Variants in ZDHHC17 observed in about 807,000 individuals in gnomAD.
ZDHHC17 encodes zDHHC palmitoyltransferase 17.
Under a neutral mutation model 90.3 loss-of-function variants are expected in ZDHHC17, and 40 were observed. The ratio of observed to expected loss-of-function variants is 0.44; its 90% CI spans 0.34 to 0.58. The LOEUF (loss-of-function observed/expected upper bound fraction) is 0.58. Among genes scored for constraint, ZDHHC17 ranks in the 20% least tolerant of loss-of-function variants. ZDHHC17 has a pLI of 0.01. For missense variants in ZDHHC17, 614 were observed against 780.8 expected (o/e 0.79, Z 2.55); for synonymous variants, 235 against 252.4 (o/e 0.93, Z 0.65).
At chr12:76,805,491 A>G in intron 3 of ZDHHC17, 52 bp downstream of exon 3, 2 of 1,341,640 alleles carry the variant, frequency 1.5e-6, no homozygotes, top group Non-Finnish European at 2.0e-6. Flanking sequence ...TTATGGTTAT[A>G]AAATTAATAG....
intron 1 of ZDHHC17, among the ~76,000 whole-genome samples, chr12:76,787,588 A>G (rs947753460): frequency 1.3e-5 from 2 of 151,524 alleles, no homozygotes; most frequent in Non-Finnish European, 2.9e-5. Flanking sequence ...GCCATCGGCC[A>G]TAGAGTGAAA....
At chr12:76,795,791 C>G (rs1204389985) in intron 1 of ZDHHC17, among the ~76,000 whole-genome samples, 1 of 152,090 alleles carries the variant, frequency 6.6e-6, no homozygotes, top group Non-Finnish European at 1.5e-5. Context: ...TCAAGCTACT[C>G]TATTTTAATG....
chr12:76,810,885 A>C (rs528640478), intron 5 of ZDHHC17, among the ~76,000 whole-genome samples: 2 of 152,072 alleles, frequency 1.3e-5, no homozygotes, highest in Non-Finnish European at 2.9e-5. Context: ...ATTGGCTCAC[A>C]TATCTTGTGA....
At chr12:76,825,837 T>C (rs922651381) in intron 8 of ZDHHC17, among the ~76,000 whole-genome samples, 1 of 152,150 alleles carries the variant, frequency 6.6e-6, no homozygotes, top group Non-Finnish European at 1.5e-5. Context: ...TTTTCTTTTT[T>C]CTTTTGGTGT....
chr12:76,810,238 A>G (rs1953003469), intron 5 of ZDHHC17, among the ~76,000 whole-genome samples: 1 of 152,124 alleles, frequency 6.6e-6, no homozygotes, highest in Non-Finnish European at 1.5e-5. Context: ...AGAGGGATAC[A>G]TTTTTTAAGA....
At chr12:76,780,928 T>C (rs576556257) in intron 1 of ZDHHC17, among the ~76,000 whole-genome samples, 32 of 151,366 alleles carry the variant, frequency 2.1e-4, no homozygotes, top group Admixed American at 4.6e-4. Flanking sequence ...GAGACCATCC[T>C]CATCCTGGCT....
chr12:76,850,722 T>G, intron 16 of ZDHHC17, 125 bp from the exon 17 acceptor site: 2 of 1,186,740 alleles, frequency 1.7e-6, no homozygotes, highest in Non-Finnish European at 2.4e-6. Flanking sequence ...ATTGGTTCCT[T>G]CTTGCAAGTA....
intron 14 of ZDHHC17, 102 bp from the exon 15 acceptor site, chr12:76,848,131 A>G: frequency 8.2e-7 from 1 of 1,214,052 alleles, no homozygotes; most frequent in South Asian, 1.5e-5. Context: ...AGTTAAATCT[A>G]GACTGTTTGA....
At chr12:76,809,926 G>T in intron 5 of ZDHHC17, 69 bp downstream of exon 5, 1 of 1,513,690 alleles carries the variant, frequency 6.6e-7, no homozygotes, top group Non-Finnish European at 9.0e-7. Flanking sequence ...TAATATTATT[G>T]GTGTTGTAAC....
At chr12:76,778,524 G>A (rs1952587158) in intron 1 of ZDHHC17, among the ~76,000 whole-genome samples, 1 of 152,116 alleles carries the variant, frequency 6.6e-6, no homozygotes, top group Non-Finnish European at 1.5e-5. Flanking sequence ...TGCCCTGCCG[G>A]GAAGTTTTAA....
intron 1 of ZDHHC17, among the ~76,000 whole-genome samples, chr12:76,771,932 G>A (rs1952497234): frequency 6.6e-6 from 1 of 152,128 alleles, no homozygotes; most frequent in African/African-American, 2.4e-5. Context: ...CCTGAGCTGA[G>A]AATGCCACCA....
rs1479769204 is a variant in ZDHHC17 at position 76,770,989 on chromosome 12, C to T, written c.93+6660C>T. ...CAGAACCCACAACAATTACATAATCCGAAAAGATGTTTCACTATTAAGGTT... is the reference window on the plus strand; with the variant it reads ...CAGAACCCACAACAATTACATAATCTGAAAAGATGTTTCACTATTAAGGTT... On this transcript the variant is annotated intron_variant, in intron 1 of 16. Coordinates refer to ENST00000426126, the MANE Select transcript of ZDHHC17 (RefSeq NM_015336.4). Among the ~76,000 whole-genome samples the T allele has an allele frequency of 2.6e-5, 4 of 151,030 alleles. No homozygotes were observed. The East Asian group carries it at 5.8e-4, about 22-fold the overall frequency.
At chr12:76,782,172 A>T (rs934442251) in intron 1 of ZDHHC17, among the ~76,000 whole-genome samples, 10 of 152,230 alleles carry the variant, frequency 6.6e-5, no homozygotes, top group African/African-American at 2.2e-4. Flanking sequence ...TATAGTCTTT[A>T]CATTATCTTC....
intron 4 of ZDHHC17, 121 bp downstream of exon 4, chr12:76,809,241 A>G: frequency 3.5e-6 from 2 of 573,508 alleles, no homozygotes; most frequent in Non-Finnish European, 5.5e-6. Context: ...AGTTAATATC[A>G]TAAATATGCT....
At chr12:76,812,316 G>GT (rs1023440176) in intron 5 of ZDHHC17, among the ~76,000 whole-genome samples, 31 of 151,200 alleles carry the variant, frequency 2.1e-4, no homozygotes, top group Non-Finnish European at 3.2e-4. Flanking sequence ...AACTGCACTA[G>GT]TTTTTTTTTG....
intron 1 of ZDHHC17, among the ~76,000 whole-genome samples, chr12:76,785,658 A>G (rs904660662): frequency 2.0e-5 from 3 of 152,340 alleles, no homozygotes; most frequent in Non-Finnish European, 2.9e-5. Flanking sequence ...AGGGAAGGCT[A>G]TGGTGACTCT....
intron 10 of ZDHHC17, among the ~76,000 whole-genome samples, chr12:76,829,693 G>A (rs1431199362): frequency 6.6e-6 from 1 of 151,736 alleles, no homozygotes; most frequent in Non-Finnish European, 1.5e-5. Flanking sequence ...ATTTTGTTGT[G>A]GTAAATAAGA....
At chr12:76,778,750 A>G (rs1206180461) in intron 1 of ZDHHC17, among the ~76,000 whole-genome samples, 1 of 152,144 alleles carries the variant, frequency 6.6e-6, no homozygotes, top group Non-Finnish European at 1.5e-5. Context: ...TGCCATTTGT[A>G]TGTCTTGTTT....
chr12:76,767,568 G>A (rs1231461118), intron 1 of ZDHHC17, among the ~76,000 whole-genome samples: 3 of 152,202 alleles, frequency 2.0e-5, no homozygotes, highest in Non-Finnish European at 4.4e-5. Flanking sequence ...GCTGGAGTCT[G>A]TGTGAGACTT....
Sources: allele counts gnomAD v4.1 joint callset (sites outside exome capture counted in the v4.1 genomes callset), GRCh38; gene constraint gnomAD v4.1.1; transcripts MANE v1.5; gene names NCBI Gene and HGNC (gene_info 2026-07-23, HGNC 2026-07-21).